NUDCD1: variants seen among roughly 807,000 people sequenced by gnomAD.
The protein encoded by NUDCD1 is NudC domain containing 1, also known as nudC domain-containing protein 1.
NUDCD1 carries 60 observed loss-of-function variants against 67.8 expected under a neutral mutation model. The ratio of observed to expected loss-of-function variants is 0.88; its 90% CI spans 0.72 to 1.10. The LOEUF (loss-of-function observed/expected upper bound fraction) is 1.10, where lower values mean the gene tolerates loss of function less well. Ranked by LOEUF, NUDCD1 falls within the 50% of genes least tolerant of loss-of-function variation. The pLI is 0.00. For synonymous variants in NUDCD1, 244 were observed against 230.8 expected (o/e 1.06, Z -0.52); for missense variants, 643 against 695.0 (o/e 0.93, Z 0.84).
At chr8:109,301,859 T>TG (rs1157635771) in intron 2 of NUDCD1, among the ~76,000 whole-genome samples, 3 of 152,264 alleles carry the variant, frequency 2.0e-5, no homozygotes, top group Non-Finnish European at 4.4e-5. Flanking sequence ...CAGGGACACC[T>TG]GCCTGATTAT....
At chr8:109,322,849 G>A (rs1406508582) in intron 1 of NUDCD1, among the ~76,000 whole-genome samples, 1 of 149,010 alleles carries the variant, frequency 6.7e-6, no homozygotes. Context: ...CTTTAAAAAT[G>A]TTTTAATATA....
chr8:109,328,161 C>T (rs1365233245), intron 1 of NUDCD1, among the ~76,000 whole-genome samples: 1 of 152,094 alleles, frequency 6.6e-6, no homozygotes, highest in East Asian at 1.9e-4. Context: ...GAGATTAGCC[C>T]CACCACCAAT....
chr8:109,243,178 G>C lies in NUDCD1; in HGVS notation c.1583C>G (p.Thr528Ser). ...FIYRQPAPMS[T>S]VLYNRKEGRQ... ...GCCTTCCTTTCTGTTGTAAAGTACA[G>C]TGGACATGGGAGCAGGCTGACGATA... Residue 528 changes from threonine (T) to serine (S), a missense_variant, in exon 10 of 10, where the codon ACT becomes AGT. Transcript: ENST00000239690. 6.2e-7 allele frequency: 1 copy of C among 1,613,876 alleles called. No homozygotes were observed. The highest frequency in any genetic ancestry group is 8.5e-7 in the Non-Finnish European group (1 of 1,179,838).
chr8:109,293,261 C>A (rs1333072049), intron 4 of NUDCD1, 83 bp downstream of exon 4: 4 of 667,436 alleles, frequency 6.0e-6, no homozygotes, highest in Middle Eastern at 2.6e-4. Flanking sequence ...AAAGAGCAAA[C>A]AGTATTTACA....
At position 109,243,104 on chromosome 8, in the gene NUDCD1, T is replaced by G; in HGVS notation, c.1657A>C (p.Asn553His). 6.2e-7 allele frequency: 1 copy of G among 1,613,732 alleles called. No individual in the cohort carries two copies. Among genetic ancestry groups the G allele is most frequent in the Non-Finnish European group, 8.5e-7 (1 of 1,179,662 alleles). Residue 553 changes from asparagine (N) to histidine (H), a missense_variant, in exon 10 of 10, where the codon AAT (asparagine) becomes CAT (histidine). Coordinates refer to ENST00000239690, the MANE Select transcript of NUDCD1 (RefSeq NM_032869.4). ...AKQQVASLET[N>H]DPILGFQATN... ...GCCTGAAATCCTAAAATAGGATCAT[T>G]GGTTTCTAGGCTTGCTACTTGCTGC...
chr8:109,245,025 T>C (rs1368855820), intron 9 of NUDCD1, among the ~76,000 whole-genome samples: 1 of 152,182 alleles, frequency 6.6e-6, no homozygotes, highest in East Asian at 1.9e-4. Flanking sequence ...ACTCCAGTAT[T>C]ATATGGCTTA....
At chr8:109,246,482 CTTAA>C (rs1291228327) in intron 8 of NUDCD1, among the ~76,000 whole-genome samples, 8 of 152,154 alleles carry the variant, frequency 5.3e-5, no homozygotes, top group South Asian at 2.1e-4. Flanking sequence ...AAACGTACTG[CTTAA>C]TTAAAGTATC....
intron 2 of NUDCD1, among the ~76,000 whole-genome samples, chr8:109,297,997 G>A (rs969234693): frequency 6.6e-6 from 1 of 151,946 alleles, no homozygotes; most frequent in Non-Finnish European, 1.5e-5. Flanking sequence ...TGTCCTTACT[G>A]GCCACAAAAT....
chr8:109,266,645 G>C (rs758289172), intron 8 of NUDCD1, among the ~76,000 whole-genome samples: 2 of 151,944 alleles, frequency 1.3e-5, no homozygotes, highest in Non-Finnish European at 2.9e-5. Context: ...CATTTCAATT[G>C]CTCAATAGTC....
intron 5 of NUDCD1, among the ~76,000 whole-genome samples, chr8:109,285,857 GT>G (rs767291792): frequency 9.9e-5 from 15 of 151,996 alleles, no homozygotes; most frequent in Non-Finnish European, 1.9e-4. Context: ...ATTAGGAAAA[GT>G]CAAACTTTGC....
At chr8:109,252,576 C>A (rs962187296) in intron 8 of NUDCD1, among the ~76,000 whole-genome samples, 4 of 152,164 alleles carry the variant, frequency 2.6e-5, no homozygotes, top group Non-Finnish European at 5.9e-5. Flanking sequence ...TAAAGAAGAT[C>A]CTTTAAGTGT....
At chr8:109,282,957 C>A (rs1214023912) in intron 5 of NUDCD1, among the ~76,000 whole-genome samples, 7 of 151,554 alleles carry the variant, frequency 4.6e-5, no homozygotes, top group Non-Finnish European at 1.0e-4. Context: ...CCAAAATAGA[C>A]ACTCAGAAAA....
intron 8 of NUDCD1, among the ~76,000 whole-genome samples, chr8:109,259,911 C>T (rs1049595926): frequency 6.6e-6 from 1 of 152,108 alleles, no homozygotes; most frequent in East Asian, 1.9e-4. Flanking sequence ...CTTTTAACAG[C>T]TTACTATTCA....
chr8:109,296,412 C>T lies in NUDCD1; in HGVS notation c.431G>A (p.Arg144His), dbSNP rs765762442. 16 of 1,613,444 alleles carry T rather than the reference C, an allele frequency of 9.9e-6. 1 individual carries two copies. In the East Asian group the frequency reaches 1.1e-4, roughly 11 times the overall value. Residue 144 changes from arginine (R) to histidine (H), a missense_variant, in exon 3 of 10, where the codon CGT becomes CAT. By Grantham distance (29) the Arg-to-His change is conservative. Transcript: ENST00000239690. ...CCATTTTTCAGAAGCGCTATTTCCA[C>T]GTTCACCTGTTCCAATGACATACAA... ...GRLYVIGTGE[R>H]GNSASEKWEI...
intron 2 of NUDCD1, among the ~76,000 whole-genome samples, chr8:109,297,834 C>T (rs1465169531): frequency 6.6e-6 from 1 of 152,198 alleles, no homozygotes; most frequent in Admixed American, 6.5e-5. Context: ...CTCTCATATA[C>T]CAAACTGCAT....
chr8:109,275,602 G>T, intron 6 of NUDCD1, 106 bp from the exon 7 acceptor site: 2 of 1,030,788 alleles, frequency 1.9e-6, no homozygotes, highest in Non-Finnish European at 2.8e-6. Flanking sequence ...AGAACCCTCC[G>T]GTGTCCAGAG....
At chr8:109,248,203 G>A (rs900982893) in intron 8 of NUDCD1, among the ~76,000 whole-genome samples, 1 of 152,194 alleles carries the variant, frequency 6.6e-6, no homozygotes, top group Admixed American at 6.5e-5. Context: ...GTTAGAAATG[G>A]CAAGGAAATG....
rs1814344050 is a variant in NUDCD1 at position 109,278,275 on chromosome 8, T to C, written c.1028+2693A>G. 5.9e-5 allele frequency among the ~76,000 whole-genome samples: 9 copies of C among 152,332 alleles called. No individual in the cohort carries two copies. The South Asian group carries it at 1.9e-3, about 32-fold the overall frequency. On this transcript the variant is annotated intron_variant, in intron 6 of 9. Coordinates refer to ENST00000239690, the MANE Select transcript of NUDCD1 (RefSeq NM_032869.4). ...TTGATTTAAAATAAAAGAAAGTAAT[T>C]TTAGTAATCCAAATAATTGGGGAAA... is the stretch of plus-strand genomic sequence containing the variant.
chr8:109,321,177 C>T (rs938019754), intron 2 of NUDCD1, among the ~76,000 whole-genome samples: 2 of 152,080 alleles, frequency 1.3e-5, no homozygotes, highest in Non-Finnish European at 1.5e-5. Context: ...AGATGCAATG[C>T]GCAGGAGGGC....
Sources: gnomAD v4.1 joint callset for allele counts (sites outside exome capture counted in the v4.1 genomes callset) on GRCh38, gnomAD v4.1.1 for gene constraint, MANE v1.5 for transcripts, NCBI Gene and HGNC (gene_info 2026-07-23, HGNC 2026-07-21) for gene names.